The following PCM1 variants were observed in gnomAD, a reference collection of about 807,000 sequenced individuals.
The protein encoded by PCM1 is pericentriolar material 1, also known as pericentriolar material 1 protein.
A neutral mutation model predicts 241.9 loss-of-function variants in PCM1; 157 were observed. That is an observed-to-expected ratio of 0.65 (90% confidence interval 0.57 to 0.74). The LOEUF is 0.74. Ranked by LOEUF, PCM1 falls within the 30% of genes least tolerant of loss-of-function variation. PCM1 has a pLI of 0.00. For missense variants in PCM1, 3,478 were observed against 2,360.1 expected (o/e 1.47, Z -9.81); for synonymous variants, 1,085 against 784.9 (o/e 1.38, Z -6.39).
chr8:17,989,088 A>C (rs980211548), intron 26 of PCM1, among the ~76,000 whole-genome samples: 1 of 152,014 alleles, frequency 6.6e-6, no homozygotes, highest in Non-Finnish European at 1.5e-5. Flanking sequence ...ATATCTATAC[A>C]GTGGAATACT....
chr8:17,963,700 C>A (rs1222310162), intron 17 of PCM1, among the ~76,000 whole-genome samples: 5 of 152,056 alleles, frequency 3.3e-5, no homozygotes, highest in Non-Finnish European at 7.4e-5. Flanking sequence ...TTATTATAAT[C>A]ATTTAGTTTT....
chr8:17,976,368 G>A (rs771011459), intron 23 of PCM1, among the ~76,000 whole-genome samples: 4 of 152,198 alleles, frequency 2.6e-5, no homozygotes, highest in Non-Finnish European at 5.9e-5. Flanking sequence ...TTATACTGCA[G>A]CTAAGCCTGT....
At chr8:17,983,238 G>A (rs1228009347) in intron 24 of PCM1, 1 of 1,321,300 alleles carries the variant, frequency 7.6e-7, no homozygotes, top group Non-Finnish European at 9.9e-7. Flanking sequence ...TACAGCACAT[G>A]CTAGGAGAAT....
intron 2 of PCM1, 147 bp from the exon 3 acceptor site, chr8:17,935,442 A>C: frequency 1.8e-6 from 1 of 568,390 alleles, no homozygotes; most frequent in Non-Finnish European, 3.1e-6. Context: ...AGCTAAATCA[A>C]TTTGTCTGTG....
intron 15 of PCM1, 95 bp from the exon 16 acceptor site, chr8:17,961,939 C>G: frequency 9.7e-7 from 1 of 1,033,360 alleles, no homozygotes; most frequent in Non-Finnish European, 1.4e-6. Context: ...AAATATGGCA[C>G]TAGAGCCTTA....
In PCM1 at chr8:17,947,167, T is replaced by G. The variant is rs75870904; in HGVS notation, c.784-19T>G. On this transcript the variant is annotated intron_variant, in intron 6 of 38. Transcript: ENST00000325083. ...GATTTTAATAGTCAGATACAAGTAT[T>G]GTTGGTCTTATTTTCCAGGCCAGAG... 5.9e-4 allele frequency: 896 copies of G among 1,524,514 alleles called. 2 individuals carry two copies. In the African/African-American group the frequency reaches 0.011, roughly 18 times the overall value. 94.4% of individuals were successfully genotyped at this position (1,524,514 alleles called of 1,614,324 possible). A position where few individuals can be genotyped will look rare whatever the true frequency, so the allele number is the denominator to read the frequency against.
chr8:17,959,480 A>G (rs1345550803), intron 13 of PCM1, among the ~76,000 whole-genome samples: 2 of 152,122 alleles, frequency 1.3e-5, no homozygotes, highest in Non-Finnish European at 2.9e-5. Context: ...ATACTTGCAC[A>G]AGCTTTTGTG....
chr8:17,990,225 C>G (rs1196501053), intron 27 of PCM1, among the ~76,000 whole-genome samples: 1 of 151,926 alleles, frequency 6.6e-6, no homozygotes, highest in Non-Finnish European at 1.5e-5. Context: ...TTGCTATGTT[C>G]TTGTGAAAAT....
intron 36 of PCM1, among the ~76,000 whole-genome samples, chr8:18,022,084 T>G (rs961003917): frequency 1.3e-5 from 2 of 152,108 alleles, no homozygotes; most frequent in East Asian, 3.9e-4. Flanking sequence ...AGCAGACAGC[T>G]CTTACTACTC....
In PCM1 at chr8:17,963,247, T is replaced by C. The variant is rs573519165; in HGVS notation, c.2610T>C (p.Asp870=). Residue 870 remains aspartate, a synonymous_variant, in exon 17 of 39, where the codon GAT becomes GAC. Transcript: ENST00000325083. ...ASPVAVSLRS[D]GSENLCTPQQ... ...CAGTGGCTGTGTCATTGAGAAGTGA[T>C]GGATCTGAGAACCTATGTACTCCTC... The C allele has an allele frequency of 7.5e-5, 121 of 1,613,476 alleles. 1 individual carries two copies. In the South Asian group the frequency reaches 1.3e-3, roughly 17 times the overall value.
At chr8:17,950,784 T>A (rs555995490) in intron 8 of PCM1, 60 bp downstream of exon 8, 1 of 908,144 alleles carries the variant, frequency 1.1e-6, no homozygotes, top group East Asian at 2.6e-5. Flanking sequence ...GAACAGTGAT[T>A]CAGAAACTTC....
chr8:17,948,626 T>C (rs1484471298), intron 7 of PCM1, among the ~76,000 whole-genome samples: 1 of 152,118 alleles, frequency 6.6e-6, no homozygotes, highest in Non-Finnish European at 1.5e-5. Context: ...TTTGTAGTAA[T>C]GATATAGCTG....
rs551909289 is a variant in PCM1, at chr8:17,968,730, ATGTGTG to A, written c.3413-819_3413-814del. On this transcript the variant is annotated intron_variant, in intron 21 of 38. Coordinates refer to ENST00000325083, the MANE Select transcript of PCM1 (RefSeq NM_006197.4). The stretch of plus-strand genomic sequence containing the variant: ...AATGTGTATATATATGGATGTATAT[ATGTGTG>A]TGTGTGTGTGTGTGTGTGTGTGTGT... Among the ~76,000 whole-genome samples, 66 of 134,712 alleles carry A rather than the reference ATGTGTG, an allele frequency of 4.9e-4. No individual in the cohort carries two copies. In the South Asian group the frequency reaches 6.8e-3, roughly 14 times the overall value. 88.4% of individuals were successfully genotyped at this position (134,712 alleles called of 152,430 possible).
chr8:18,015,251 TAAAAA>T (rs34076308), intron 36 of PCM1, among the ~76,000 whole-genome samples: 1 of 145,280 alleles, frequency 6.9e-6, no homozygotes, highest in African/African-American at 2.5e-5. Flanking sequence ...CAGTGAATGA[TAAAAA>T]AAAAAAAAAC....
At chr8:17,980,445 C>A in intron 23 of PCM1, 146 bp from the exon 24 acceptor site, 1 of 552,510 alleles carries the variant, frequency 1.8e-6, no homozygotes, top group Non-Finnish European at 3.1e-6. Flanking sequence ...ACCTCCAAGA[C>A]ATATTTACTG....
intron 4 of PCM1, 24 bp from the exon 5 acceptor site, chr8:17,938,716 A>T: frequency 6.3e-7 from 1 of 1,584,596 alleles, no homozygotes; most frequent in Non-Finnish European, 8.7e-7. Context: ...TGTTTGTGTG[A>T]TTTGATTTCT....
chr8:18,017,703 AT>A (rs984017285), intron 36 of PCM1, among the ~76,000 whole-genome samples: 9 of 152,140 alleles, frequency 5.9e-5, no homozygotes, highest in Admixed American at 5.9e-4. Context: ...AAAATACAAA[AT>A]TAGCCAGGCG....
chr8:17,940,871 A>C (rs1213371987), intron 6 of PCM1, among the ~76,000 whole-genome samples: 1 of 152,202 alleles, frequency 6.6e-6, no homozygotes, highest in Non-Finnish European at 1.5e-5. Flanking sequence ...ATGCATTATT[A>C]AGCTTTTAAC....
intron 29 of PCM1, among the ~76,000 whole-genome samples, chr8:18,004,274 C>G (rs1219874380): frequency 6.6e-6 from 1 of 152,128 alleles, no homozygotes; most frequent in African/African-American, 2.4e-5. Context: ...AAAAGAATTA[C>G]ATTTTTTAAA....
Sources: allele counts gnomAD v4.1 joint callset (sites outside exome capture counted in the v4.1 genomes callset), GRCh38; gene constraint gnomAD v4.1.1; transcripts MANE v1.5; gene names NCBI Gene and HGNC (gene_info 2026-07-23, HGNC 2026-07-21).